Variants in TCF7L2 observed in about 807,000 individuals in gnomAD.
The protein encoded by TCF7L2 is transcription factor 7-like 2.
In TCF7L2, 23 loss-of-function variants were observed where a neutral mutation model predicts 77.9. That is an observed-to-expected ratio of 0.30 (90% confidence interval 0.21 to 0.42). The LOEUF (loss-of-function observed/expected upper bound fraction) is 0.42. Among genes scored for constraint, TCF7L2 ranks in the 10% least tolerant of loss-of-function variants. The pLI is 1.00. For missense variants in TCF7L2, 654 were observed against 793.1 expected (o/e 0.82, Z 2.11); for synonymous variants, 413 against 340.2 (o/e 1.21, Z -2.36).
intron 5 of TCF7L2, among the ~76,000 whole-genome samples, chr10:113,068,411 C>T (rs2057528988): frequency 6.6e-6 from 1 of 152,170 alleles, no homozygotes; most frequent in Non-Finnish European, 1.5e-5. Flanking sequence ...CCCTCGTGAG[C>T]AAGCCAGGAT....
At chr10:112,967,453 G>A (rs1428888589) in intron 4 of TCF7L2, among the ~76,000 whole-genome samples, 1 of 152,048 alleles carries the variant, frequency 6.6e-6, no homozygotes, top group Non-Finnish European at 1.5e-5. Context: ...GGCCTTGGGT[G>A]ATTCTATAGA....
At chr10:112,968,718 A>G (rs1256544416) in intron 4 of TCF7L2, among the ~76,000 whole-genome samples, 1 of 152,046 alleles carries the variant, frequency 6.6e-6, no homozygotes, top group African/African-American at 2.4e-5. Flanking sequence ...AGCTGGGACT[A>G]CGGGTACCTG....
intron 5 of TCF7L2, among the ~76,000 whole-genome samples, chr10:113,139,433 G>C (rs535604433): frequency 7.2e-5 from 11 of 152,244 alleles, no homozygotes; most frequent in African/African-American, 2.4e-4. Flanking sequence ...CTTCACCCTG[G>C]CCATGGCCTG....
At chr10:112,968,614 T>C (rs1398135527) in intron 4 of TCF7L2, among the ~76,000 whole-genome samples, 1 of 152,202 alleles carries the variant, frequency 6.6e-6, no homozygotes, top group African/African-American at 2.4e-5. Context: ...ATTCTCATTC[T>C]GTCGCCCAGG....
At position 112,985,530 on chromosome 10, in the gene TCF7L2, T is replaced by A. The variant is rs550635787; in HGVS notation, c.450+20906T>A. Among the ~76,000 whole-genome samples the A allele has an allele frequency of 3.9e-5, 6 of 152,358 alleles. No individual in the cohort carries two copies. In the South Asian group the frequency reaches 1.0e-3, roughly 26 times the overall value. ...CCTAAGTCCAGAAACAACATGCCTG[T>A]CTTTTTTCATTGTTGAGGAAAAACA... On this transcript the variant is annotated intron_variant, in intron 4 of 13. Transcript: ENST00000627217.
chr10:113,087,560 C>T lies in TCF7L2; in HGVS notation c.552+47434C>T, dbSNP rs557088456. On this transcript the variant is annotated intron_variant, in intron 5 of 13. Coordinates refer to ENST00000627217, the MANE Select transcript of TCF7L2 (RefSeq NM_001146274.2). ...GGACTCATGCTTGCCGAATGACTCACGCTCCTGTTTACAAATCAGCTCTGT... is the reference window on the plus strand; with the variant it reads ...GGACTCATGCTTGCCGAATGACTCATGCTCCTGTTTACAAATCAGCTCTGT... Among the ~76,000 whole-genome samples, 55 of 152,324 alleles carry T rather than the reference C, an allele frequency of 3.6e-4. 2 individuals carry two copies. The South Asian group carries it at 7.7e-3, about 21-fold the overall frequency.
At chr10:113,046,910 T>A (rs2053563875) in intron 5 of TCF7L2, among the ~76,000 whole-genome samples, 1 of 152,202 alleles carries the variant, frequency 6.6e-6, no homozygotes, top group African/African-American at 2.4e-5. Flanking sequence ...ATACTTGAGC[T>A]CATAGTGCTC....
intron 4 of TCF7L2, among the ~76,000 whole-genome samples, chr10:112,978,527 G>A (rs1285960075): frequency 6.6e-6 from 1 of 150,958 alleles, no homozygotes; most frequent in African/African-American, 2.4e-5. Context: ...GTACAGTGGT[G>A]CGATCTCGGC....
chr10:113,008,883 C>T (rs1212045838), intron 4 of TCF7L2, among the ~76,000 whole-genome samples: 2 of 152,118 alleles, frequency 1.3e-5, no homozygotes, highest in Non-Finnish European at 2.9e-5. Context: ...CCAGGTGTGG[C>T]CTCAAAATTC....
intron 5 of TCF7L2, among the ~76,000 whole-genome samples, chr10:113,091,826 CTG>C (rs1165131425): frequency 6.6e-6 from 1 of 152,206 alleles, no homozygotes; most frequent in Non-Finnish European, 1.5e-5. Context: ...GAGCTGCTGT[CTG>C]TGTGTTTAAG....
chr10:113,016,733 C>CT lies in TCF7L2; in HGVS notation c.451-23281dup, dbSNP rs1288176929. 4.6e-4 allele frequency among the ~76,000 whole-genome samples: 66 copies of CT among 144,300 alleles called. 2 individuals are homozygous for CT. Among genetic ancestry groups the CT allele is most frequent in the Middle Eastern group, 3.5e-3 (1 of 282 alleles). The allele number at this position is 144,300 out of a possible 152,430, so 94.7% of individuals were successfully genotyped here. On this transcript the variant is annotated intron_variant, in intron 4 of 13. Transcript: ENST00000627217. ...AGGAAAGGAACATCATGGGGCCAGG[C>CT]TTTTTTTTTTTAAAGGAAAGATTTG...
At chr10:112,991,180 G>A (rs140718138) in intron 4 of TCF7L2, among the ~76,000 whole-genome samples, 4 of 152,136 alleles carry the variant, frequency 2.6e-5, no homozygotes, top group African/African-American at 9.7e-5. Flanking sequence ...TTGCTAGGGG[G>A]GTGGAATCCT....
intron 3 of TCF7L2, among the ~76,000 whole-genome samples, chr10:112,962,353 G>A (rs531387207): frequency 7.7e-6 from 1 of 130,200 alleles, no homozygotes; most frequent in Admixed American, 7.6e-5. Flanking sequence ...AGAGGGACAA[G>A]TTGTTAGTGT....
chr10:113,029,772 A>T (rs1041316591), intron 4 of TCF7L2, among the ~76,000 whole-genome samples: 3 of 152,070 alleles, frequency 2.0e-5, no homozygotes, highest in South Asian at 4.2e-4. Flanking sequence ...CAGGTGATCC[A>T]ACCGCCTCGG....
At chr10:113,090,735 G>C (rs1189506781) in intron 5 of TCF7L2, among the ~76,000 whole-genome samples, 1 of 152,030 alleles carries the variant, frequency 6.6e-6, no homozygotes, top group Non-Finnish European at 1.5e-5. Flanking sequence ...TCAGCCTCCC[G>C]AGTAGCTGGA....
chr10:112,999,332 G>A (rs1268957234), intron 4 of TCF7L2, among the ~76,000 whole-genome samples: 1 of 152,260 alleles, frequency 6.6e-6, no homozygotes, highest in African/African-American at 2.4e-5. Flanking sequence ...TGTGGGAGAG[G>A]CAGGGAGGCA....
At chr10:112,957,101 A>G (rs1456571064) in intron 3 of TCF7L2, among the ~76,000 whole-genome samples, 2 of 152,150 alleles carry the variant, frequency 1.3e-5, no homozygotes, top group South Asian at 4.2e-4. Context: ...TTCAAAAGCA[A>G]AGTTGCTCTA....
At position 113,054,766 on chromosome 10, in the gene TCF7L2, T is replaced by C. The variant is rs143060358; in HGVS notation, c.552+14640T>C. The stretch of plus-strand genomic sequence containing the variant: ...CATCTATTTATATTAACGTATGTAT[T>C]ATAAATAATCTTAGTAGTTTTTAAC... On this transcript the variant is annotated intron_variant, in intron 5 of 13. Coordinates refer to ENST00000627217, the MANE Select transcript of TCF7L2 (RefSeq NM_001146274.2). Among the ~76,000 whole-genome samples the C allele has an allele frequency of 8.8e-3, 1,347 of 152,330 alleles. 24 individuals carry two copies. The highest frequency in any genetic ancestry group is 0.03 in the African/African-American group (1,265 of 41,576).
rs1555485 is a variant in TCF7L2 at position 113,152,775 on chromosome 10, C to T, written c.1269+335C>T. ...GATACACCCAAAGGACCTTATGTTC[C>T]GGATTAGGTTCCGCAGGCTCCTCAG... On this transcript the variant is annotated intron_variant, in intron 11 of 13. Coordinates refer to ENST00000627217, the MANE Select transcript of TCF7L2 (RefSeq NM_001146274.2). 0.14 allele frequency among the ~76,000 whole-genome samples: 21,724 copies of T among 152,140 alleles called. 2,155 individuals are homozygous for T. The highest frequency in any genetic ancestry group is 0.23 in the Admixed American group (3,457 of 15,296).
Sources: allele counts gnomAD v4.1 joint callset (sites outside exome capture counted in the v4.1 genomes callset), GRCh38; gene constraint gnomAD v4.1.1; transcripts MANE v1.5; gene names NCBI Gene and HGNC (gene_info 2026-07-23, HGNC 2026-07-21).